The following GPR35 variants were observed in gnomAD, a reference collection of about 807,000 sequenced individuals.
The protein encoded by GPR35 is KYNA receptor.
For missense variants in GPR35, 372 were observed against 422.5 expected (o/e 0.88, Z 1.05); for synonymous variants, 207 against 198.4 (o/e 1.04, Z -0.36).
At chr2:240,623,303 A>AGGGTGCAAACAGGTCG (rs1559437424), upstream of GPR35, among the ~76,000 whole-genome samples, 23 of 97,956 alleles carry the variant, frequency 2.3e-4, no homozygotes, top group East Asian at 1.7e-3. Context: ...GAAACAGGTC[A>AGGGTGCAAACAGGTCG]TGAGGGCGCA....
intron 2 of GPR35, among the ~76,000 whole-genome samples, chr2:240,613,604 G>A (rs542618703): frequency 2.4e-4 from 37 of 151,998 alleles, no homozygotes; most frequent in Middle Eastern, 3.4e-3. Flanking sequence ...AGGCAGAACC[G>A]AACCTAACTC....
intron 4 of GPR35, among the ~76,000 whole-genome samples, chr2:240,618,352 A>C (rs867881488): frequency 3.3e-5 from 5 of 152,244 alleles, no homozygotes; most frequent in African/African-American, 1.2e-4. Context: ...GGTTGTGTCG[A>C]CGTACAGACA....
chr2:240,623,401 AGGGCGCAAACAGATCG>A (rs1559437633), upstream of GPR35, among the ~76,000 whole-genome samples: 71 of 81,218 alleles, frequency 8.7e-4, 4 homozygotes, highest in East Asian at 2.6e-3. Context: ...ACAGGTCGTG[AGGGCGCAAACAGATCG>A]TGAGGGCGCA....
In GPR35 at chr2:240,630,949, G is replaced by T. The variant is rs2043441021; in HGVS notation, c.*67G>T. 1 of 1,369,498 alleles carries T rather than the reference G, an allele frequency of 7.3e-7. No homozygotes were observed. The allele number at this position is 1,369,498 out of a possible 1,614,324, so 84.8% of individuals were successfully genotyped here. A position where few individuals can be genotyped will look rare whatever the true frequency, so the allele number is the denominator to read the frequency against. On this transcript the variant is annotated 3_prime_UTR_variant, in exon 2 of 2. Transcript: ENST00000407714. ...CGGGAGGTGCTGCCTGCCAGGGGAA[G>T]CTGGAACCAGTAGCAAGGAGCCCGA...
intron 2 of GPR35, among the ~76,000 whole-genome samples, chr2:240,613,697 C>T (rs2043208838): frequency 6.6e-6 from 1 of 151,924 alleles, no homozygotes; most frequent in South Asian, 2.1e-4. Context: ...AACACTAACT[C>T]CACCCTATTC....
At chr2:240,623,303 A>C (rs11889778), upstream of GPR35, among the ~76,000 whole-genome samples, 4 of 97,908 alleles carry the variant, frequency 4.1e-5, no homozygotes, top group African/African-American at 7.0e-5. Flanking sequence ...GAAACAGGTC[A>C]TGAGGGCGCA....
At chr2:240,629,668 T>TG (rs1262326890) in intron 1 of GPR35, 2 of 373,242 alleles carry the variant, frequency 5.4e-6, no homozygotes, top group African/African-American at 4.1e-5. Context: ...GAGGGGAACG[T>TG]GGAGCTCCTT....
chr2:240,619,065 C>T, intron 5 of GPR35: 1 of 697,466 alleles, frequency 1.4e-6, no homozygotes, highest in Non-Finnish European at 2.6e-6. Flanking sequence ...GTTATTGGGT[C>T]AAAGAGTAAA....
intron 2 of GPR35, among the ~76,000 whole-genome samples, chr2:240,614,970 A>G (rs2043224889): frequency 6.6e-6 from 1 of 151,824 alleles, no homozygotes; most frequent in African/African-American, 2.4e-5. Context: ...GTATTTGTAT[A>G]TGTATCTATG....
intron 2 of GPR35, among the ~76,000 whole-genome samples, chr2:240,606,896 CA>C (rs1164886112): frequency 3.9e-5 from 6 of 152,206 alleles, no homozygotes; most frequent in African/African-American, 1.4e-4. Context: ...CAGGGCCTAA[CA>C]TACATATGTT....
At chr2:240,613,701 C>A (rs76045312) in intron 2 of GPR35, among the ~76,000 whole-genome samples, 3,576 of 151,990 alleles carry the variant, frequency 0.024, 150 homozygotes, top group African/African-American at 0.082. Flanking sequence ...CTAACTCCAC[C>A]CTATTCCGAA....
At chr2:240,627,077 C>G (rs755263624) in intron 1 of GPR35, among the ~76,000 whole-genome samples, 12 of 152,150 alleles carry the variant, frequency 7.9e-5, no homozygotes, top group Non-Finnish European at 1.6e-4. Flanking sequence ...GTGGAAGGGC[C>G]CCATCCCCAC....
upstream of GPR35, among the ~76,000 whole-genome samples, chr2:240,623,068 C>T (rs1328057981): frequency 1.3e-5 from 2 of 152,138 alleles, no homozygotes; most frequent in Admixed American, 6.5e-5. Context: ...GTGCCTGAGC[C>T]GGGCGCCGAC....
intron 1 of GPR35, 192 bp from the exon 2 acceptor site, chr2:240,629,756 AG>A: frequency 1.7e-6 from 1 of 575,962 alleles, no homozygotes; most frequent in Non-Finnish European, 3.1e-6. Flanking sequence ...GGATCTGTCC[AG>A]GGGTTAGACC....
intron 2 of GPR35, among the ~76,000 whole-genome samples, chr2:240,609,172 C>T (rs930873594): frequency 5.9e-5 from 9 of 151,702 alleles, no homozygotes; most frequent in Non-Finnish European, 8.8e-5. Flanking sequence ...AATAACCAAT[C>T]TCCATTTTAT....
intron 5 of GPR35, among the ~76,000 whole-genome samples, chr2:240,619,478 T>G (rs574579213): frequency 2.6e-5 from 4 of 152,270 alleles, no homozygotes; most frequent in East Asian, 1.9e-4. Flanking sequence ...ACACAGTGCT[T>G]CTTCTGGGGT....
At chr2:240,615,722 A>G (rs1195727429) in intron 2 of GPR35, among the ~76,000 whole-genome samples, 2 of 152,270 alleles carry the variant, frequency 1.3e-5, no homozygotes, top group Non-Finnish European at 2.9e-5. Flanking sequence ...AAGCATTATC[A>G]CATCTAGCCA....
rs565540323 is a variant in GPR35 at position 240,615,352 on chromosome 2, G to A, written c.-576-1036G>A. Among the ~76,000 whole-genome samples, 7 of 152,300 alleles carry A rather than the reference G, an allele frequency of 4.6e-5. No individual in the cohort carries two copies. In the South Asian group the frequency reaches 6.2e-4, roughly 14 times the overall value. ...CCCCTGCCTGTGATGCTTAGGGATCGTTCATTTCAGGGCCAGTGAGGAAAC... is the reference window on the plus strand; with the variant it reads ...CCCCTGCCTGTGATGCTTAGGGATCATTCATTTCAGGGCCAGTGAGGAAAC... On this transcript the variant is annotated intron_variant, in intron 2 of 5. Coordinates refer to the GPR35 transcript ENST00000319838.
upstream of GPR35, among the ~76,000 whole-genome samples, chr2:240,622,680 C>G (rs1373783589): frequency 6.6e-6 from 1 of 152,230 alleles, no homozygotes; most frequent in Non-Finnish European, 1.5e-5. Context: ...TCCGGCAGCT[C>G]TAGCTGGAGA....
Sources: gnomAD v4.1 joint callset for allele counts (sites outside exome capture counted in the v4.1 genomes callset) on GRCh38, gnomAD v4.1.1 for gene constraint, MANE v1.5 for transcripts, NCBI Gene and HGNC (gene_info 2026-07-23, HGNC 2026-07-21) for gene names.